TRIP12: variants seen among roughly 807,000 people sequenced by gnomAD.
TRIP12 encodes the protein thyroid hormone receptor interactor 12.
In TRIP12, 25 loss-of-function variants were observed where a neutral mutation model predicts 244.2. That is an observed-to-expected ratio of 0.10 (90% CI 0.07 to 0.14). TRIP12 has a LOEUF of 0.14. Ranked by LOEUF, TRIP12 falls within the 10% of genes least tolerant of loss-of-function variation. TRIP12 has a pLI of 1.00. For synonymous variants in TRIP12, 905 were observed against 873.1 expected (o/e 1.04, Z -0.64); for missense variants, 1,677 against 2,486.4 (o/e 0.67, Z 6.92).
At chr2:229,771,394 A>G in intron 39 of TRIP12, 125 bp downstream of exon 39, 1 of 667,130 alleles carries the variant, frequency 1.5e-6, no homozygotes, top group East Asian at 2.9e-5. Context: ...CCAAACATCC[A>G]TCCCCTGCTA....
In TRIP12 at chr2:229,805,769, T is replaced by C; in HGVS notation, c.2611A>G (p.Ile871Val). Residue 871 changes from isoleucine (I) to valine (V), a missense_variant, in exon 18 of 42, where the codon ATT becomes GTT. Transcript: ENST00000675903. ...INEDTGTARA[I>V]QRKPNPLANS... ...GCTAACGGGTTAGGTTTTCTCTGAA[T>C]GGCACGTGCTGTTCCCGTGTCCTCA... The C allele has an allele frequency of 2.5e-6, 4 of 1,606,256 alleles. No homozygotes were observed. Among genetic ancestry groups the C allele is most frequent in the Non-Finnish European group, 3.4e-6 (4 of 1,173,958 alleles).
chr2:229,913,059 A>G (rs913471391), intron 1 of TRIP12, among the ~76,000 whole-genome samples: 2 of 152,198 alleles, frequency 1.3e-5, no homozygotes, highest in Admixed American at 6.5e-5. Context: ...TGTGTTGCCT[A>G]GGTTGGTCCT....
chr2:229,840,004 T>C (rs2055980235), intron 5 of TRIP12, among the ~76,000 whole-genome samples: 2 of 152,282 alleles, frequency 1.3e-5, no homozygotes, highest in South Asian at 4.1e-4. Flanking sequence ...ATTAAGTACA[T>C]TTCCCCCTCC....
rs537610240 is a variant in TRIP12, at chr2:229,857,239, A to G, written c.1027+1533T>C. Among the ~76,000 whole-genome samples, 23 of 152,352 alleles carry G rather than the reference A, an allele frequency of 1.5e-4. 1 individual carries two copies. In the South Asian group the frequency reaches 4.8e-3, roughly 32 times the overall value. Reference sequence around the variant, plus strand: ...AGAGAAGAAAAGATGCTTAAAAGCAAGCTTCCTAATTAGGTATTATAAAAT... The same window carrying G: ...AGAGAAGAAAAGATGCTTAAAAGCAGGCTTCCTAATTAGGTATTATAAAAT... On this transcript the variant is annotated intron_variant, in intron 4 of 41. Coordinates refer to ENST00000675903, the MANE Select transcript of TRIP12 (RefSeq NM_001348323.3).
intron 6 of TRIP12, among the ~76,000 whole-genome samples, chr2:229,831,720 C>G (rs764358101): frequency 6.6e-6 from 1 of 152,066 alleles, no homozygotes; most frequent in African/African-American, 2.4e-5. Flanking sequence ...TACTATTAAT[C>G]GAAATACTAA....
At chr2:229,903,304 TGCAAGGAAA>T (rs1560254314) in intron 1 of TRIP12, among the ~76,000 whole-genome samples, 5 of 152,064 alleles carry the variant, frequency 3.3e-5, no homozygotes, top group Non-Finnish European at 7.4e-5. Flanking sequence ...AACCATGTCG[TGCAAGGAAA>T]AACAAACCCC....
rs116291282 is a variant in TRIP12 at position 229,789,840 on chromosome 2, C to T, written c.4544-78G>A. 1,540 of 1,485,262 alleles carry T rather than the reference C, an allele frequency of 1.0e-3. 12 individuals are homozygous for T. The African/African-American group carries it at 0.018, about 17-fold the overall frequency. 92.0% of individuals were successfully genotyped at this position (1,485,262 alleles called of 1,614,324 possible). A position where few individuals can be genotyped will look rare whatever the true frequency, so the allele number is the denominator to read the frequency against. On this transcript the variant is annotated intron_variant, in intron 30 of 41. Coordinates refer to ENST00000675903, the MANE Select transcript of TRIP12 (RefSeq NM_001348323.3). ...CAGTGCAGCCAAGGTCCTATCATCGCTAAAAGAGTAACAGAAGTTGTTATA... is the reference window on the plus strand; with the variant it reads ...CAGTGCAGCCAAGGTCCTATCATCGTTAAAAGAGTAACAGAAGTTGTTATA...
chr2:229,834,210 C>A (rs1275952088), intron 6 of TRIP12, among the ~76,000 whole-genome samples: 3 of 152,194 alleles, frequency 2.0e-5, no homozygotes, highest in Non-Finnish European at 4.4e-5. Flanking sequence ...AGAATGCAAA[C>A]ATTCTACATG....
intron 6 of TRIP12, 71 bp downstream of exon 6, chr2:229,836,777 C>G: frequency 4.7e-3 from 6,023 of 1,279,398 alleles, no homozygotes; most frequent in Non-Finnish European, 6.0e-3. Context: ...ACCTAGCATA[C>G]TTCCCTCCCT....
intron 25 of TRIP12, among the ~76,000 whole-genome samples, chr2:229,795,816 C>T (rs1258202088): frequency 6.6e-6 from 1 of 152,212 alleles, no homozygotes; most frequent in South Asian, 2.1e-4. Flanking sequence ...TAAAACTATA[C>T]ATAATACTGT....
At position 229,818,355 on chromosome 2, in the gene TRIP12, T is replaced by C. The variant is rs1167151214; in HGVS notation, c.1599+9A>G. The C allele has an allele frequency of 2.5e-6, 4 of 1,613,046 alleles. No individual in the cohort carries two copies. Among genetic ancestry groups the C allele is most frequent in the African/African-American group, 1.3e-5 (1 of 74,978 alleles). ...TGAGGTAAAAACGAGGGAAAAACAT[T>C]ATGCTTACCAAAGCTGGAACAACAC... On this transcript the variant is annotated intron_variant, in intron 9 of 41. Coordinates refer to ENST00000675903, the MANE Select transcript of TRIP12 (RefSeq NM_001348323.3).
chr2:229,888,395 A>G (rs1278567743), intron 1 of TRIP12, among the ~76,000 whole-genome samples: 2 of 152,202 alleles, frequency 1.3e-5, no homozygotes, highest in Non-Finnish European at 2.9e-5. Flanking sequence ...GACAGCATAA[A>G]GAGAGGAATA....
rs1411629365 is a variant in TRIP12, at chr2:229,787,531, C to T, written c.4969G>A (p.Val1657Ile). Residue 1657 changes from valine (V) to isoleucine (I), a missense_variant, in exon 33 of 42, where the codon GTT becomes ATT. Val to Ile is a conservative substitution (Grantham distance 29). Coordinates refer to ENST00000675903, the MANE Select transcript of TRIP12 (RefSeq NM_001348323.3). Reference sequence around the variant, plus strand: ...TTTTTTCTATCCAATCTAGGTGCAACTCTGCTATCTTGAGAATCAGACTGG... The same window carrying T: ...TTTTTTCTATCCAATCTAGGTGCAATTCTGCTATCTTGAGAATCAGACTGG... Reference protein sequence around the residue: ...INQSDSQDSRVAPRLDRKKRT... With the variant: ...INQSDSQDSRIAPRLDRKKRT... 2.5e-6 allele frequency: 4 copies of T among 1,612,992 alleles called. No homozygotes were observed. The highest frequency in any genetic ancestry group is 3.4e-6 in the Non-Finnish European group (4 of 1,179,660).
intron 32 of TRIP12, among the ~76,000 whole-genome samples, 198 bp from the exon 33 acceptor site, chr2:229,787,859 G>C (rs2040473156): frequency 6.6e-6 from 1 of 152,142 alleles, no homozygotes; most frequent in Non-Finnish European, 1.5e-5. Context: ...CTGGAGTGCA[G>C]TGGTGTGATC....
At position 229,796,576 on chromosome 2, in the gene TRIP12, T is replaced by A. The variant is rs1447617764; in HGVS notation, c.3816+15A>T. On this transcript the variant is annotated intron_variant, in intron 25 of 41. Transcript: ENST00000675903. The stretch of plus-strand genomic sequence containing the variant: ...TGATTCTTAAAAGATACACAGGCAT[T>A]ATTAGATAACTTACTGGAGAAGAAA... 2 of 1,562,906 alleles carry A rather than the reference T, an allele frequency of 1.3e-6. No individual in the cohort carries two copies. The highest frequency in any genetic ancestry group is 2.7e-5 in the African/African-American group (2 of 72,786).
At chr2:229,807,529 C>T in intron 17 of TRIP12, 179 bp downstream of exon 17, 1 of 724,730 alleles carries the variant, frequency 1.4e-6, no homozygotes, top group Non-Finnish European at 2.4e-6. Context: ...AGGACTAGAA[C>T]ATGAAGTTTT....
intron 2 of TRIP12, among the ~76,000 whole-genome samples, chr2:229,878,429 G>T (rs573520582): frequency 2.0e-5 from 3 of 147,836 alleles, no homozygotes; most frequent in African/African-American, 7.5e-5. Context: ...CAGCCTGGGC[G>T]ACAGCAACTG....
At chr2:229,890,535 T>C (rs1035158555) in intron 1 of TRIP12, among the ~76,000 whole-genome samples, 1 of 152,196 alleles carries the variant, frequency 6.6e-6, no homozygotes, top group Non-Finnish European at 1.5e-5. Flanking sequence ...CTGTCATCAA[T>C]AGAGCTACAA....
At chr2:229,866,699 G>T (rs1157964627) in intron 2 of TRIP12, among the ~76,000 whole-genome samples, 1 of 152,126 alleles carries the variant, frequency 6.6e-6, no homozygotes, top group Non-Finnish European at 1.5e-5. Flanking sequence ...ATAAATATAG[G>T]TAACAGTCTA....
Sources: gnomAD v4.1 joint callset for allele counts (sites outside exome capture counted in the v4.1 genomes callset) on GRCh38, gnomAD v4.1.1 for gene constraint, MANE v1.5 for transcripts, NCBI Gene and HGNC (gene_info 2026-07-23, HGNC 2026-07-21) for gene names.